Variants in PCDHGB4 observed in about 807,000 individuals in gnomAD.
The protein encoded by PCDHGB4 is protocadherin gamma subfamily B, 4, also known as protocadherin gamma-B4.
Under a neutral mutation model 60.5 loss-of-function variants are expected in PCDHGB4, and 38 were observed. The observed-to-expected ratio is 0.63, with a 90% CI of 0.48 to 0.82. The LOEUF is 0.82. PCDHGB4 is among the 40% of genes least tolerant of loss of function. The pLI, the probability that PCDHGB4 is intolerant of heterozygous loss-of-function variation, is 0.00. For missense variants in PCDHGB4, 1,109 were observed against 1,209.6 expected (o/e 0.92, Z 1.23); for synonymous variants, 456 against 509.7 (o/e 0.89, Z 1.42).
chr5:141,410,778 G>T, intron 1 of PCDHGB4: 3 of 818,726 alleles, frequency 3.7e-6, no homozygotes, highest in Non-Finnish European at 3.4e-6. Flanking sequence ...TTTTCACTAT[G>T]TATTTGGTTC....
intron 1 of PCDHGB4, among the ~76,000 whole-genome samples, chr5:141,450,829 A>ATTTT (rs373424450): frequency 2.2e-4 from 30 of 135,142 alleles, no homozygotes; most frequent in African/African-American, 6.3e-4. Flanking sequence ...TATTATTATT[A>ATTTT]TTTTTTTTTT....
At position 141,389,146 on chromosome 5, in the gene PCDHGB4, C is replaced by T. The variant is rs567517174; in HGVS notation, c.1262C>T (p.Thr421Met). 17 of 1,613,996 alleles carry T rather than the reference C, an allele frequency of 1.1e-5. No homozygotes were observed. The highest frequency in any genetic ancestry group is 2.2e-5 in the East Asian group (1 of 44,878). The change falls in exon 1 of 4, where the codon ACG (threonine) becomes ATG (methionine). Residue 421 changes from threonine (T) to methionine (M), a missense_variant. By Grantham distance (81) the Thr-to-Met change is moderately conservative. Around this residue, in one of 2 missense-constraint regions of PCDHGB4, gnomAD observed 1,068 missense variants for 1,089.9 expected, o/e 0.98. Coordinates refer to ENST00000519479, the MANE Select transcript of PCDHGB4 (RefSeq NM_003736.4). ...AATCCAGAGTACAATATAACCGTTA[C>T]GGCAACAGATCGGGGCAAGCCTCCC... is the stretch of plus-strand genomic sequence containing the variant. Reference protein sequence around the residue: ...EQNPEYNITVTATDRGKPPLS... With the variant: ...EQNPEYNITVMATDRGKPPLS...
intron 1 of PCDHGB4, among the ~76,000 whole-genome samples, chr5:141,470,664 G>A (rs1308061207): frequency 6.6e-6 from 1 of 151,882 alleles, no homozygotes; most frequent in Non-Finnish European, 1.5e-5. Context: ...CTTTGGTTAG[G>A]GCTCTGCTGT....
intron 1 of PCDHGB4, among the ~76,000 whole-genome samples, chr5:141,464,155 C>T (rs2099076990): frequency 1.3e-5 from 2 of 151,614 alleles, no homozygotes; most frequent in African/African-American, 4.8e-5. Flanking sequence ...GTCCCAGCTA[C>T]TTGGAAGGCT....
chr5:141,489,579 C>G lies in PCDHGB4; in HGVS notation c.2398-5228C>G, dbSNP rs112808093. 3.7e-6 allele frequency: 6 copies of G among 1,613,922 alleles called. No individual in the cohort carries two copies. The Admixed American group carries it at 5.0e-5, about 13-fold the overall frequency. On this transcript the variant is annotated intron_variant, in intron 1 of 3. Transcript: ENST00000519479. This position sits in a 1 kb window ranked among gnomAD's most constrained non-coding sequence, Gnocchi z 4.5. ...CAGTGCAGGTGGTGACTGAACACCC[C>G]CTGGAGCTAATCCGTGTAGAGGTAG... is the stretch of plus-strand genomic sequence containing the variant.
intron 2 of PCDHGB4, among the ~76,000 whole-genome samples, chr5:141,503,075 G>C (rs1373753092): frequency 6.6e-6 from 1 of 151,438 alleles, no homozygotes; most frequent in Non-Finnish European, 1.5e-5. Context: ...GAATGGTCTC[G>C]ATCTCCTGAC....
At chr5:141,410,178 C>G in intron 1 of PCDHGB4, 2 of 1,613,890 alleles carry the variant, frequency 1.2e-6, no homozygotes, top group South Asian at 1.1e-5. Flanking sequence ...GCCACCGCCA[C>G]GCTTCATCTG....
intron 2 of PCDHGB4, among the ~76,000 whole-genome samples, chr5:141,502,866 C>CTCTTTTTTT (rs1554188502): frequency 7.8e-6 from 1 of 128,046 alleles, no homozygotes; most frequent in African/African-American, 3.1e-5. Context: ...GACTCTCTGT[C>CTCTTTTTTT]TTTTTTTTTT....
intron 1 of PCDHGB4, chr5:141,405,186 G>A (rs762537440): frequency 6.2e-6 from 10 of 1,612,892 alleles, no homozygotes; most frequent in Non-Finnish European, 8.5e-6. Context: ...GGTGTAGATG[G>A]GGTTCGAGCT....
At chr5:141,495,852 TCTCA>T (rs1473070626) in intron 2 of PCDHGB4, among the ~76,000 whole-genome samples, 1 of 152,174 alleles carries the variant, frequency 6.6e-6, no homozygotes, top group Non-Finnish European at 1.5e-5. Flanking sequence ...TTTCTCTGTC[TCTCA>T]CTATTTCTGC....
At chr5:141,498,954 A>G (rs1180380627) in intron 2 of PCDHGB4, among the ~76,000 whole-genome samples, 2 of 134,538 alleles carry the variant, frequency 1.5e-5, no homozygotes, top group Non-Finnish European at 3.2e-5. Context: ...AGAAAAAGAG[A>G]GAGAGGGAGG....
intron 1 of PCDHGB4, among the ~76,000 whole-genome samples, chr5:141,459,757 G>T (rs1360124889): frequency 6.6e-6 from 1 of 152,162 alleles, no homozygotes; most frequent in Admixed American, 6.6e-5. Flanking sequence ...ATTCTAGTGG[G>T]TGTGTGATAC....
intron 1 of PCDHGB4, chr5:141,441,578 C>T (rs889509502): frequency 2.9e-5 from 6 of 207,738 alleles, no homozygotes; most frequent in Non-Finnish European, 5.9e-5. Flanking sequence ...CCAACCTAGA[C>T]TTGGGACCCA....
At chr5:141,407,505 T>TTTTTTTTTTTTTTTTTTTTTGAG (rs1460306566) in intron 1 of PCDHGB4, among the ~76,000 whole-genome samples, 2 of 152,146 alleles carry the variant, frequency 1.3e-5, no homozygotes, top group African/African-American at 4.8e-5. Context: ...CTGTTTTTCT[T>TTTTTTTTTTTTTTTTTTTTTGAG]AGGCTATGTA....
intron 2 of PCDHGB4, among the ~76,000 whole-genome samples, chr5:141,500,187 TA>T (rs56304898): frequency 0.051 from 5,679 of 110,700 alleles, 126 homozygotes; most frequent in Middle Eastern, 0.14. Flanking sequence ...TTTTTATTTT[TA>T]TTTATTTATT....
intron 2 of PCDHGB4, among the ~76,000 whole-genome samples, chr5:141,501,279 A>T (rs1180397181): frequency 3.0e-5 from 4 of 135,444 alleles, no homozygotes. Context: ...AGTCTATGGG[A>T]TATTCCCTTA....
In PCDHGB4 at chr5:141,427,784, G is replaced by A. The variant is rs750188824; in HGVS notation, c.2397+37503G>A. 6.8e-6 allele frequency: 10 copies of A among 1,470,180 alleles called. No homozygotes were observed. The Admixed American group carries it at 1.3e-4, about 20-fold the overall frequency. 91.1% of individuals were successfully genotyped at this position (1,470,180 alleles called of 1,614,324 possible). Reference sequence around the variant, plus strand: ...CTGACTTGGAGCTGCGGGCACTGTCGTCCTACGTGTCCGTGAGCGCACAGA... The same window carrying A: ...CTGACTTGGAGCTGCGGGCACTGTCATCCTACGTGTCCGTGAGCGCACAGA... On this transcript the variant is annotated intron_variant, in intron 1 of 3. Coordinates refer to ENST00000519479, the MANE Select transcript of PCDHGB4 (RefSeq NM_003736.4).
intron 1 of PCDHGB4, chr5:141,418,551 T>A (rs766987131): frequency 1.2e-6 from 2 of 1,614,026 alleles, no homozygotes; most frequent in South Asian, 2.2e-5. Context: ...ATAAGAATCC[T>A]GGTAATAGAT....
intron 1 of PCDHGB4, chr5:141,395,106 A>G: frequency 3.1e-6 from 5 of 1,614,150 alleles, no homozygotes; most frequent in Admixed American, 3.3e-5. Flanking sequence ...CGACTCGCGG[A>G]AGAGTCACCT....
Sources: allele counts gnomAD v4.1 joint callset (sites outside exome capture counted in the v4.1 genomes callset), GRCh38; gene constraint gnomAD v4.1.1; regional missense constraint gnomAD v4.1.1; non-coding constraint Gnocchi (gnomAD v3.1); transcripts MANE v1.5; gene names NCBI Gene and HGNC (gene_info 2026-07-23, HGNC 2026-07-21).